The following FHOD3 variants were observed in gnomAD, a reference collection of about 807,000 sequenced individuals.
The protein encoded by FHOD3 is formin homology 2 domain containing 3, also known as FH1/FH2 domain-containing protein 3.
FHOD3 carries 90 observed loss-of-function variants against 173.0 expected under a neutral mutation model. That is an observed-to-expected ratio of 0.52 (90% CI 0.44 to 0.62). FHOD3 has a LOEUF of 0.62. Ranked by LOEUF, FHOD3 falls within the 20% of genes least tolerant of loss-of-function variation. The pLI, the probability that FHOD3 is intolerant of heterozygous loss-of-function variation, is 0.00. For synonymous variants in FHOD3, 828 were observed against 823.0 expected, an observed-to-expected ratio of 1.01 and a Z score of -0.10; for missense variants, 1,945 against 2,034.7, an observed-to-expected ratio of 0.96 and a Z score of 0.85.
At position 36,770,047 on chromosome 18, in the gene FHOD3, C is replaced by G. The variant is rs146274515; in HGVS notation, c.4786+621C>G. 4.2e-3 allele frequency among the ~76,000 whole-genome samples: 645 copies of G among 152,284 alleles called. 7 individuals are homozygous for G. The highest frequency in any genetic ancestry group is 0.015 in the African/African-American group (617 of 41,546). ...GAACCTACTGCCTGCTCCTGCCCAC[C>G]CAACTCATGGGTGTGGGGTTGCCTC... On this transcript the variant is annotated intron_variant, in intron 28 of 28. Coordinates refer to ENST00000590592, the MANE Select transcript of FHOD3 (RefSeq NM_001281740.3).
intron 28 of FHOD3, among the ~76,000 whole-genome samples, chr18:36,772,632 C>T (rs1371215547): frequency 3.9e-5 from 6 of 152,264 alleles, no homozygotes; most frequent in African/African-American, 1.4e-4. Context: ...ACTGAGCCCA[C>T]ACATGCCGAA....
intron 3 of FHOD3, among the ~76,000 whole-genome samples, chr18:36,436,868 T>C (rs2050835679): frequency 6.6e-6 from 1 of 152,146 alleles, no homozygotes; most frequent in South Asian, 2.1e-4. Flanking sequence ...GCCAAAATTA[T>C]GCTAAAACCT....
chr18:36,440,561 C>T (rs764408812), intron 3 of FHOD3, among the ~76,000 whole-genome samples: 1 of 152,264 alleles, frequency 6.6e-6, no homozygotes, highest in Non-Finnish European at 1.5e-5. Flanking sequence ...TATTCTGCCA[C>T]CTGTGCCTGC....
chr18:36,451,964 C>CT (rs1193937663), intron 3 of FHOD3, among the ~76,000 whole-genome samples: 1 of 151,894 alleles, frequency 6.6e-6, no homozygotes, highest in Admixed American at 6.5e-5. Flanking sequence ...CATGTGGCTC[C>CT]TTTTTTTCAA....
rs1397641790 is a variant in FHOD3 at position 36,372,741 on chromosome 18, A to G, written c.334A>G (p.Ile112Val). The change falls in exon 3 of 29, where the codon ATC becomes GTC. Residue 112 changes from isoleucine (I) to valine (V), a missense_variant. Coordinates refer to ENST00000590592, the MANE Select transcript of FHOD3 (RefSeq NM_001281740.3). ...TQLSVRVHACIEKLYNSSGRD... is the reference protein window; with the variant it reads ...TQLSVRVHACVEKLYNSSGRD... Reference sequence around the variant, plus strand: ...GCTGTCTGTGAGGGTCCATGCCTGCATCGGTGAGTGACACCTGCCCTCAGG... The same window carrying G: ...GCTGTCTGTGAGGGTCCATGCCTGCGTCGGTGAGTGACACCTGCCCTCAGG... 1 of 1,613,728 alleles carries G rather than the reference A, an allele frequency of 6.2e-7. No individual in the cohort carries two copies. Among genetic ancestry groups the G allele is most frequent in the Non-Finnish European group, 8.5e-7 (1 of 1,179,812 alleles).
intron 3 of FHOD3, among the ~76,000 whole-genome samples, chr18:36,435,551 C>A (rs1018283017): frequency 2.0e-5 from 3 of 152,006 alleles, no homozygotes; most frequent in South Asian, 2.1e-4. Flanking sequence ...AAGACTACAT[C>A]AAAAATGTTT....
intron 5 of FHOD3, among the ~76,000 whole-genome samples, chr18:36,524,756 A>G (rs1475144501): frequency 2.6e-5 from 4 of 152,132 alleles, no homozygotes; most frequent in African/African-American, 9.7e-5. Context: ...CCCCAAATCT[A>G]GATTTCGTTG....
chr18:36,602,389 T>G (rs1258338234), intron 7 of FHOD3, among the ~76,000 whole-genome samples: 1 of 152,160 alleles, frequency 6.6e-6, no homozygotes, highest in Non-Finnish European at 1.5e-5. Context: ...AAATTACATA[T>G]TTAATATGAA....
chr18:36,670,512 T>C (rs751704429), intron 14 of FHOD3, among the ~76,000 whole-genome samples: 4 of 152,186 alleles, frequency 2.6e-5, no homozygotes, highest in Admixed American at 6.5e-5. Flanking sequence ...GTGGTGACAA[T>C]CTACTGTTTC....
intron 10 of FHOD3, among the ~76,000 whole-genome samples, chr18:36,642,810 C>T (rs1458372151): frequency 6.6e-6 from 1 of 152,104 alleles, no homozygotes; most frequent in African/African-American, 2.4e-5. Context: ...TTCCCAATCT[C>T]CCATCCCTAG....
chr18:36,579,560 T>G lies in FHOD3; in HGVS notation c.606+3015T>G, dbSNP rs756528418. ...TCCCCAATGCAACAGTGTCAAGAGGTGTTTAGGTCATGAAAGCTCTGCTGT... is the reference window on the plus strand; with the variant it reads ...TCCCCAATGCAACAGTGTCAAGAGGGGTTTAGGTCATGAAAGCTCTGCTGT... On this transcript the variant is annotated intron_variant, in intron 6 of 28. Coordinates refer to ENST00000590592, the MANE Select transcript of FHOD3 (RefSeq NM_001281740.3). Among the ~76,000 whole-genome samples the G allele has an allele frequency of 1.9e-3, 294 of 152,038 alleles. 2 individuals carry two copies. The highest frequency in any genetic ancestry group is 6.8e-3 in the Middle Eastern group (2 of 294).
intron 3 of FHOD3, among the ~76,000 whole-genome samples, chr18:36,496,228 G>T (rs1432242178): frequency 1.3e-5 from 2 of 152,162 alleles, no homozygotes; most frequent in African/African-American, 4.8e-5. Context: ...CTGGGCTGTG[G>T]GAGGAAGTGC....
At chr18:36,634,904 T>A (rs2034774390) in intron 10 of FHOD3, among the ~76,000 whole-genome samples, 1 of 152,194 alleles carries the variant, frequency 6.6e-6, no homozygotes, top group African/African-American at 2.4e-5. Context: ...CTAGAGGATT[T>A]CACAACAACC....
chr18:36,652,297 C>T (rs1253624807), intron 11 of FHOD3, among the ~76,000 whole-genome samples: 2 of 152,218 alleles, frequency 1.3e-5, no homozygotes, highest in African/African-American at 4.8e-5. Context: ...GTCTCTTACA[C>T]CTAGAGGCCA....
intron 5 of FHOD3, among the ~76,000 whole-genome samples, chr18:36,518,422 G>A (rs1443896352): frequency 1.3e-5 from 2 of 152,194 alleles, no homozygotes; most frequent in East Asian, 3.9e-4. Flanking sequence ...GATGACCCAG[G>A]AGTCTTGGAG....
intron 1 of FHOD3, among the ~76,000 whole-genome samples, chr18:36,313,986 G>A (rs1377165596): frequency 6.6e-6 from 1 of 151,870 alleles, no homozygotes; most frequent in Non-Finnish European, 1.5e-5. Flanking sequence ...AGGCTCAAGT[G>A]ATCCTCCAGC....
At chr18:36,693,555 G>A (rs756857885) in intron 17 of FHOD3, 132 bp downstream of exon 17, 44 of 868,202 alleles carry the variant, frequency 5.1e-5, no homozygotes, top group Non-Finnish European at 6.9e-5. Context: ...TTGGGGGAGG[G>A]GGGTTGTGAC....
chr18:36,525,559 A>C (rs904860927), intron 5 of FHOD3, among the ~76,000 whole-genome samples: 1 of 152,224 alleles, frequency 6.6e-6, no homozygotes, highest in African/African-American at 2.4e-5. Context: ...TTAGAAAATG[A>C]ATATAGTTAC....
At chr18:36,751,216 T>C (rs2042389705) in intron 24 of FHOD3, among the ~76,000 whole-genome samples, 1 of 152,230 alleles carries the variant, frequency 6.6e-6, no homozygotes, top group Non-Finnish European at 1.5e-5. Flanking sequence ...GCTGTATTCC[T>C]AGGTATTTTA....
Sources: allele counts gnomAD v4.1 joint callset (sites outside exome capture counted in the v4.1 genomes callset), GRCh38; gene constraint gnomAD v4.1.1; transcripts MANE v1.5; gene names NCBI Gene and HGNC (gene_info 2026-07-23, HGNC 2026-07-21).